CRIP2: variants seen among roughly 807,000 people sequenced by gnomAD.
CRIP2 encodes the protein cysteine-rich protein 2.
A neutral mutation model predicts 31.3 loss-of-function variants in CRIP2; 31 were observed. That is an observed-to-expected ratio of 0.99 (90% CI 0.74 to 1.34). CRIP2 has a LOEUF of 1.34. Ranked by LOEUF, CRIP2 falls within the 40% of genes most tolerant of loss-of-function variation. The pLI is 0.00. For missense variants in CRIP2, 389 were observed against 301.6 expected (o/e 1.29, Z -2.15); for synonymous variants, 177 against 127.2 (o/e 1.39, Z -2.63).
At chr14:105,476,328 G>A (rs1245539891) in intron 1 of CRIP2, 23 of 985,418 alleles carry the variant, frequency 2.3e-5, no homozygotes, top group Non-Finnish European at 1.2e-6. Flanking sequence ...AGACCCGGCT[G>A]GCTTCTGTCC....
At chr14:105,473,174 C>A, upstream of CRIP2, 1 of 1,508,094 alleles carries the variant, frequency 6.6e-7, no homozygotes, top group South Asian at 1.2e-5. Flanking sequence ...CTGGGCAAGG[C>A]CCTGCTGTGA....
In CRIP2 at chr14:105,479,588, G is replaced by A; in HGVS notation, c.562G>A (p.Val188Met). The A allele has an allele frequency of 3.7e-6, 6 of 1,612,792 alleles. No individual in the cohort carries two copies. The highest frequency in any genetic ancestry group is 4.2e-6 in the Non-Finnish European group (5 of 1,179,934). Residue 188 changes from valine (V) to methionine (M), a missense_variant and splice_region_variant, in exon 8 of 8, where the codon GTG becomes ATG. Physicochemically the swap from Val to Met is conservative, Grantham distance 21. Transcript: ENST00000329146. ...ACCCCAGCGGCCTCCCTCCACAGGA[G>A]TGAACACCGGTGCGGTGGGCAGCTA... ...CYGILFGPKG[V>M]NTGAVGSYIY... is the part of the protein sequence containing the mutation.
At chr14:105,477,201 T>TAGG in intron 1 of CRIP2, 4 of 910,148 alleles carry the variant, frequency 4.4e-6, no homozygotes, top group African/African-American at 1.8e-5. Flanking sequence ...CACCTCTTCC[T>TAGG]GCCTGGCTCC....
chr14:105,478,542 C>G lies in CRIP2; in HGVS notation c.196+35C>G, dbSNP rs1555436450. ...GGCTGCCCTCGGCCTGCCCTGGGAC[C>G]TGCTGGGAGGGGCGTGGCGCTGGCG... On this transcript the variant is annotated intron_variant, in intron 3 of 7. Coordinates refer to ENST00000329146, the MANE Select transcript of CRIP2 (RefSeq NM_001312.4). The surrounding 1 kb of genome is among the most constrained non-coding windows in gnomAD (Gnocchi z 4.9). 1.9e-6 allele frequency: 3 copies of G among 1,595,420 alleles called. No homozygotes were observed. The highest frequency in any genetic ancestry group is 1.3e-5 in the African/African-American group (1 of 74,754).
chr14:105,478,193 G>A lies in CRIP2; in HGVS notation c.44-73G>A. On this transcript the variant is annotated intron_variant, in intron 1 of 7. Coordinates refer to ENST00000329146, the MANE Select transcript of CRIP2 (RefSeq NM_001312.4). The surrounding 1 kb of genome is among the most constrained non-coding windows in gnomAD (Gnocchi z 4.9). ...GACCCCCGGAGCGCGTGGGGGTGGT[G>A]GCTGCCAGGTGGGGGCGGAGGGGGT... 8.0e-7 allele frequency: 1 copy of A among 1,246,610 alleles called. No homozygotes were observed. The highest frequency in any genetic ancestry group is 1.6e-5 in the South Asian group (1 of 64,170). 77.2% of individuals were successfully genotyped at this position (1,246,610 alleles called of 1,614,324 possible).
chr14:105,479,576 C>T lies in CRIP2; in HGVS notation c.560-10C>T, dbSNP rs587609534. On this transcript the variant is annotated splice_polypyrimidine_tract_variant and intron_variant, in intron 7 of 7. Coordinates refer to ENST00000329146, the MANE Select transcript of CRIP2 (RefSeq NM_001312.4). ...TTCCCCCGACCCACCCCAGCGGCCT[C>T]CCTCCACAGGAGTGAACACCGGTGC... 212 of 1,612,830 alleles carry T rather than the reference C, an allele frequency of 1.3e-4. No individual in the cohort carries two copies. Among genetic ancestry groups the T allele is most frequent in the Middle Eastern group, 6.6e-4 (4 of 6,062 alleles).
chr14:105,473,243 G>A (rs1232602519), upstream of CRIP2: 3 of 1,526,904 alleles, frequency 2.0e-6, no homozygotes, highest in African/African-American at 4.2e-5. Flanking sequence ...AAAAGGTACT[G>A]ACTGATGCCT....
intron 1 of CRIP2, 131 bp downstream of exon 1, chr14:105,475,036 GA>G: frequency 9.1e-7 from 1 of 1,098,432 alleles, no homozygotes; most frequent in South Asian, 3.0e-5. Context: ...GCGCGTCCCG[GA>G]GGCTGGCTGG....
At chr14:105,476,314 C>G (rs1476504018) in intron 1 of CRIP2, 1 of 985,392 alleles carries the variant, frequency 1.0e-6, no homozygotes, top group Non-Finnish European at 1.2e-6. Context: ...AACAAAGGCG[C>G]TTCAGACCCG....
At chr14:105,476,088 G>C in intron 1 of CRIP2, 1 of 985,594 alleles carries the variant, frequency 1.0e-6, no homozygotes, top group Non-Finnish European at 1.2e-6. Flanking sequence ...GCCTCTCCTG[G>C]AGCCCGCTCA....
In CRIP2 at chr14:105,480,040, G is replaced by A. The variant is rs2084059137; in HGVS notation, c.*387G>A. On this transcript the variant is annotated 3_prime_UTR_variant, in exon 8 of 8. Transcript: ENST00000329146. ...TGGCCACGCCCTCACCATGTCCCTG[G>A]CAGAGGGCTTCCCTCCGGGATCCCC... 1 of 227,848 alleles carries A rather than the reference G, an allele frequency of 4.4e-6. No individual in the cohort carries two copies. The highest frequency in any genetic ancestry group is 8.8e-6 in the Non-Finnish European group (1 of 113,408). 14.1% of individuals were successfully genotyped at this position (227,848 alleles called of 1,614,324 possible).
Position 105,478,250 on chromosome 14 carries a change from C to G in CRIP2, c.44-16C>G. 2 of 1,528,518 alleles carry G rather than the reference C, an allele frequency of 1.3e-6. No individual in the cohort carries two copies. Among genetic ancestry groups the G allele is most frequent in the Non-Finnish European group, 1.8e-6 (2 of 1,140,780 alleles). 94.7% of individuals were successfully genotyped at this position (1,528,518 alleles called of 1,614,324 possible). On this transcript the variant is annotated splice_polypyrimidine_tract_variant and intron_variant, in intron 1 of 7. Coordinates refer to ENST00000329146, the MANE Select transcript of CRIP2 (RefSeq NM_001312.4). The surrounding 1 kb of genome is among the most constrained non-coding windows in gnomAD (Gnocchi z 4.9). The stretch of plus-strand genomic sequence containing the variant: ...CGCGCCCCGGCCCTGACCCCCCTGC[C>G]GCCCCTCCCGCTCAGCCGAGAAGGT...
Position 105,475,117 on chromosome 14 carries a change from C to G in CRIP2, c.43+212C>G, listed in dbSNP as rs369209270. Among the ~76,000 whole-genome samples, 64 of 152,320 alleles carry G rather than the reference C, an allele frequency of 4.2e-4. No individual in the cohort carries two copies. In the East Asian group the frequency reaches 6.4e-3, roughly 15 times the overall value. ...AAGCGGGGGCGGTCACGCCCGAACC[C>G]CGAAGCGGCTTGTGGGGGCGGGGCA... On this transcript the variant is annotated intron_variant, in intron 1 of 7. Transcript: ENST00000329146.
At chr14:105,476,508 C>A in intron 1 of CRIP2, 1 of 985,574 alleles carries the variant, frequency 1.0e-6, no homozygotes, top group Non-Finnish European at 1.2e-6. Context: ...TCTTCTGAGC[C>A]ATTAGACCCA....
At position 105,478,175 on chromosome 14, in the gene CRIP2, G is replaced by A. The variant is rs1555436299; in HGVS notation, c.44-91G>A. The A allele has an allele frequency of 9.5e-7, 1 of 1,047,774 alleles. No individual in the cohort carries two copies. The highest frequency in any genetic ancestry group is 1.3e-6 in the Non-Finnish European group (1 of 757,746). The allele number at this position is 1,047,774 out of a possible 1,614,324, so 64.9% of individuals were successfully genotyped here. ...AGACCTCCTGAAAGTGGGGACCCCC[G>A]GAGCGCGTGGGGGTGGTGGCTGCCA... On this transcript the variant is annotated intron_variant, in intron 1 of 7. Coordinates refer to ENST00000329146, the MANE Select transcript of CRIP2 (RefSeq NM_001312.4). The surrounding 1 kb of genome is among the most constrained non-coding windows in gnomAD (Gnocchi z 4.9).
chr14:105,479,161 G>A lies in CRIP2; in HGVS notation c.443G>A (p.Arg148Gln). Residue 148 changes from arginine to glutamine, a missense_variant, in exon 6 of 8, where the codon CGG becomes CAG. By Grantham distance (43) the Arg-to-Gln change is conservative (BLOSUM62 1). Coordinates refer to ENST00000329146, the MANE Select transcript of CRIP2 (RefSeq NM_001312.4). ...ACGTCTCTGGGCAAGGATTGGCACCGGCCCTGCCTGCGCTGCGAGCGCTGC... is the reference window on the plus strand; with the variant it reads ...ACGTCTCTGGGCAAGGATTGGCACCAGCCCTGCCTGCGCTGCGAGCGCTGC... ...KVTSLGKDWH[R>Q]PCLRCERCGK... The A allele has an allele frequency of 1.2e-6, 2 of 1,611,760 alleles. No individual in the cohort carries two copies. Among genetic ancestry groups the A allele is most frequent in the Non-Finnish European group, 1.7e-6 (2 of 1,179,494 alleles).
chr14:105,477,564 GAGC>G (rs1304206922), intron 1 of CRIP2: 1 of 983,138 alleles, frequency 1.0e-6, no homozygotes, highest in African/African-American at 1.8e-5. Flanking sequence ...GTGAGAGGGA[GAGC>G]AGCATGTGTT....
chr14:105,474,743 C>T (rs1555435354), upstream of CRIP2: 1 of 1,057,694 alleles, frequency 9.5e-7, no homozygotes, highest in East Asian at 7.4e-5. The surrounding 1 kb of genome is among the most constrained non-coding windows in gnomAD (Gnocchi z 5.1). Context: ...GTTATCGAGG[C>T]CCCGCCCCGG....
rs2083997585 is a variant in CRIP2 at position 105,478,331 on chromosome 14, A to G, written c.109A>G (p.Lys37Glu). Residue 37 changes from lysine to glutamate, a missense_variant, in exon 2 of 8, where the codon AAG becomes GAG. Lys to Glu is a moderately conservative substitution (Grantham distance 56). Coordinates refer to ENST00000329146, the MANE Select transcript of CRIP2 (RefSeq NM_001312.4). This position sits in a 1 kb window ranked among gnomAD's most constrained non-coding sequence, Gnocchi z 4.9. ...CTGCCTCAAGTGCGAGCGCTGCAGCAAGACGCTGACGCCCGGGGGCCACGC... is the reference window on the plus strand; with the variant it reads ...CTGCCTCAAGTGCGAGCGCTGCAGCGAGACGCTGACGCCCGGGGGCCACGC... ...KFCLKCERCS[K>E]TLTPGGHAEH... 1.3e-6 allele frequency: 2 copies of G among 1,566,938 alleles called. No individual in the cohort carries two copies. Among genetic ancestry groups the G allele is most frequent in the Non-Finnish European group, 8.6e-7 (1 of 1,159,628 alleles).
Sources: allele counts gnomAD v4.1 joint callset (sites outside exome capture counted in the v4.1 genomes callset), GRCh38; gene constraint gnomAD v4.1.1; non-coding constraint Gnocchi (gnomAD v3.1); transcripts MANE v1.5; gene names NCBI Gene and HGNC (gene_info 2026-07-23, HGNC 2026-07-21).